The following WNT3 variants were observed in gnomAD, a reference collection of about 807,000 sequenced individuals.
WNT3 encodes proto-oncogene Wnt-3.
A neutral mutation model predicts 34.2 loss-of-function variants in WNT3; 7 were observed. That is an observed-to-expected ratio of 0.20 (90% CI 0.12 to 0.38). The LOEUF (loss-of-function observed/expected upper bound fraction) is 0.38, where lower values mean the gene tolerates loss of function less well. WNT3 is among the 10% of genes least tolerant of loss of function. The pLI is 1.00. For missense variants in WNT3, 267 were observed against 499.8 expected (o/e 0.53, Z 4.44); for synonymous variants, 212 against 211.5 (o/e 1.00, Z -0.02).
At chr17:46,814,331 G>A (rs774494533) in intron 1 of WNT3, among the ~76,000 whole-genome samples, 3 of 152,166 alleles carry the variant, frequency 2.0e-5, no homozygotes, top group East Asian at 1.9e-4. Context: ...TTATTATAAC[G>A]TTTGACCTGT....
chr17:46,772,386 T>A (rs892528549), intron 2 of WNT3, among the ~76,000 whole-genome samples: 3 of 152,214 alleles, frequency 2.0e-5, no homozygotes, highest in African/African-American at 7.2e-5. Flanking sequence ...TTCCCCTGGC[T>A]CTTGGCCGGA....
chr17:46,776,765 C>T (rs1202732711), intron 1 of WNT3, among the ~76,000 whole-genome samples: 1 of 152,154 alleles, frequency 6.6e-6, no homozygotes, highest in East Asian at 1.9e-4. Context: ...GAAGCCTGGG[C>T]TGTCCCCGCT....
At chr17:46,766,339 C>T (rs1418490040) in intron 4 of WNT3, among the ~76,000 whole-genome samples, 7 of 151,424 alleles carry the variant, frequency 4.6e-5, no homozygotes, top group African/African-American at 9.7e-5. Context: ...ACCCAGGTGG[C>T]GGAGGTTACA....
chr17:46,798,787 C>A (rs1352110365), intron 1 of WNT3, among the ~76,000 whole-genome samples: 3 of 152,204 alleles, frequency 2.0e-5, no homozygotes, highest in Non-Finnish European at 2.9e-5. Context: ...CAGTGGCTCA[C>A]ACCTGTAATC....
chr17:46,794,730 T>TTTTC (rs1168009957), intron 1 of WNT3, among the ~76,000 whole-genome samples: 21 of 150,380 alleles, frequency 1.4e-4, no homozygotes, highest in African/African-American at 4.6e-4. Flanking sequence ...CAGGACTTTC[T>TTTTC]TTTCTTTCTT....
intron 1 of WNT3, among the ~76,000 whole-genome samples, chr17:46,776,890 G>A (rs377278623): frequency 1.2e-4 from 18 of 152,102 alleles, no homozygotes; most frequent in African/African-American, 3.6e-4. Flanking sequence ...TTCCCCTCCC[G>A]TTGCCTTCCT....
chr17:46,789,989 C>T (rs947232210), intron 1 of WNT3, among the ~76,000 whole-genome samples: 1 of 152,148 alleles, frequency 6.6e-6, no homozygotes, highest in African/African-American at 2.4e-5. Flanking sequence ...CAGGTGAAGA[C>T]AGCCCTGCCC....
At chr17:46,800,938 G>A (rs1003641205) in intron 1 of WNT3, among the ~76,000 whole-genome samples, 1 of 152,162 alleles carries the variant, frequency 6.6e-6, no homozygotes, top group Admixed American at 6.5e-5. Context: ...GAGAAGGCAG[G>A]GGGTAGCACA....
At chr17:46,799,774 C>T (rs1161277825) in intron 1 of WNT3, among the ~76,000 whole-genome samples, 1 of 152,148 alleles carries the variant, frequency 6.6e-6, no homozygotes, top group African/African-American at 2.4e-5. Context: ...TTCATTTCAA[C>T]CTCACAACTA....
chr17:46,796,184 GAA>G (rs1035480047), intron 1 of WNT3, among the ~76,000 whole-genome samples: 2 of 152,150 alleles, frequency 1.3e-5, no homozygotes, highest in Non-Finnish European at 2.9e-5. Flanking sequence ...TTCCTAATGA[GAA>G]AAACATCCCC....
intron 1 of WNT3, among the ~76,000 whole-genome samples, chr17:46,792,552 C>G (rs530596672): frequency 6.6e-6 from 1 of 152,316 alleles, no homozygotes; most frequent in East Asian, 1.9e-4. Context: ...TGGTTTACTG[C>G]AACCTCTGCC....
chr17:46,800,902 TGA>T (rs1568091916), intron 1 of WNT3, among the ~76,000 whole-genome samples: 2 of 152,068 alleles, frequency 1.3e-5, no homozygotes, highest in African/African-American at 4.8e-5. Context: ...ATTTCAAGAC[TGA>T]ACAGGAGTTT....
intron 1 of WNT3, among the ~76,000 whole-genome samples, chr17:46,778,403 G>A (rs965212163): frequency 1.3e-5 from 2 of 152,144 alleles, no homozygotes; most frequent in Non-Finnish European, 2.9e-5. Flanking sequence ...GTCATCCTGC[G>A]AGTAATTAGC....
At chr17:46,767,682 G>C (rs2059325689) in intron 4 of WNT3, among the ~76,000 whole-genome samples, 1 of 152,220 alleles carries the variant, frequency 6.6e-6, no homozygotes, top group Admixed American at 6.5e-5. Flanking sequence ...ATGACAGCTA[G>C]CAGCTATGCA....
intron 3 of WNT3, 37 bp downstream of exon 3, chr17:46,769,746 G>A: frequency 6.2e-7 from 1 of 1,604,036 alleles, no homozygotes. Context: ...GCGGGGGGCT[G>A]CTCCCTGAAG....
At chr17:46,782,754 G>A (rs1172878879) in intron 1 of WNT3, among the ~76,000 whole-genome samples, 1 of 152,234 alleles carries the variant, frequency 6.6e-6, no homozygotes, top group Non-Finnish European at 1.5e-5. Flanking sequence ...GGCCTGGACT[G>A]GAGCCGCTCA....
At position 46,807,809 on chromosome 17, in the gene WNT3, G is replaced by C. The variant is rs9903110; in HGVS notation, c.80+10709C>G. Among the ~76,000 whole-genome samples, 206 of 152,314 alleles carry C rather than the reference G, an allele frequency of 1.4e-3. 1 individual carries two copies. Among genetic ancestry groups the C allele is most frequent in the African/African-American group, 4.8e-3 (201 of 41,564 alleles). On this transcript the variant is annotated intron_variant, in intron 1 of 4. Transcript: ENST00000225512. ...GAGCAGGATCAGGGAAGGTCCACAC[G>C]GGTGCAAGGATGTGGCTTCAGGTGG...
chr17:46,805,810 C>A (rs2084187352), intron 1 of WNT3, among the ~76,000 whole-genome samples: 1 of 152,104 alleles, frequency 6.6e-6, no homozygotes, highest in African/African-American at 2.4e-5. Flanking sequence ...AAAACCTGGG[C>A]CTGGATTAAG....
At chr17:46,772,842 C>G (rs1229500535) in intron 2 of WNT3, among the ~76,000 whole-genome samples, 1 of 149,730 alleles carries the variant, frequency 6.7e-6, no homozygotes, top group Non-Finnish European at 1.5e-5. Context: ...AGGCAGCTCT[C>G]ATTCATTCCC....
Sources: allele counts gnomAD v4.1 joint callset (sites outside exome capture counted in the v4.1 genomes callset), GRCh38; gene constraint gnomAD v4.1.1; transcripts MANE v1.5; gene names NCBI Gene and HGNC (gene_info 2026-07-23, HGNC 2026-07-21).